CEP63: variants seen among roughly 807,000 people sequenced by gnomAD.
The protein encoded by CEP63 is centrosomal protein 63.
CEP63 carries 84 observed loss-of-function variants against 89.1 expected under a neutral mutation model. The ratio of observed to expected loss-of-function variants is 0.94; its 90% CI spans 0.79 to 1.13. The LOEUF is 1.13. Among genes scored for constraint, CEP63 ranks in the 50% most tolerant of loss-of-function variants. The pLI, the probability that CEP63 is intolerant of heterozygous loss-of-function variation, is 0.00. For missense variants in CEP63, 838 were observed against 813.3 expected (o/e 1.03, Z -0.37); for synonymous variants, 267 against 272.5 (o/e 0.98, Z 0.20).
the CEP63 span, chr3:134,608,245 G>A: frequency 2.5e-6 from 3 of 1,193,356 alleles, no homozygotes; most frequent in Non-Finnish European, 3.2e-6. Context: ...GAGGCTATGT[G>A]TAGCCAGGGT....
chr3:134,624,688 C>T, the CEP63 span, among the ~76,000 whole-genome samples: 1 of 152,224 alleles, frequency 6.6e-6, no homozygotes, highest in East Asian at 1.9e-4. Flanking sequence ...CTCCCATCCT[C>T]TCCTCCCTTC....
the CEP63 span, among the ~76,000 whole-genome samples, chr3:134,782,288 CAA>C: frequency 6.6e-6 from 1 of 152,176 alleles, no homozygotes; most frequent in Non-Finnish European, 1.5e-5. Flanking sequence ...AACCCACTAA[CAA>C]AACCGTTTAG....
chr3:134,767,507 A>T, the CEP63 span, among the ~76,000 whole-genome samples: 5 of 152,190 alleles, frequency 3.3e-5, no homozygotes, highest in African/African-American at 9.7e-5. Flanking sequence ...GTGACCTGGA[A>T]AGTCTCATAG....
At chr3:134,721,853 A>G in the CEP63 span, among the ~76,000 whole-genome samples, 1 of 152,062 alleles carries the variant, frequency 6.6e-6, no homozygotes, top group Non-Finnish European at 1.5e-5. Flanking sequence ...CTTTTAAAAT[A>G]TTGCTGGATT....
At chr3:134,625,097 G>A in the CEP63 span, 1 of 1,603,266 alleles carries the variant, frequency 6.2e-7, no homozygotes, top group South Asian at 1.1e-5. Context: ...TGCAGGTCCA[G>A]GGACATGGAT....
intron 3 of CEP63, among the ~76,000 whole-genome samples, chr3:134,527,631 G>A (rs1353440422): frequency 6.6e-6 from 1 of 152,206 alleles, no homozygotes; most frequent in Admixed American, 6.5e-5. Context: ...TGGGCCTAGG[G>A]AAGCTGCAGT....
downstream of CEP63, among the ~76,000 whole-genome samples, chr3:134,577,027 C>T (rs1308941238): frequency 2.6e-5 from 4 of 152,152 alleles, no homozygotes; most frequent in Non-Finnish European, 5.9e-5. Flanking sequence ...CTAGTGTTGG[C>T]GTAGTAAAGA....
the CEP63 span, among the ~76,000 whole-genome samples, chr3:134,645,419 C>T: frequency 6.6e-6 from 1 of 152,244 alleles, no homozygotes; most frequent in East Asian, 1.9e-4. Flanking sequence ...CCATCAGCCA[C>T]TTCCTTCTAA....
the CEP63 span, among the ~76,000 whole-genome samples, chr3:134,758,804 C>T: frequency 5.9e-5 from 9 of 151,684 alleles, no homozygotes; most frequent in Non-Finnish European, 1.0e-4. Flanking sequence ...TTCTGTGGTA[C>T]GCTAAATAAT....
At chr3:134,603,412 A>T in the CEP63 span, 1 of 627,196 alleles carries the variant, frequency 1.6e-6, no homozygotes, top group Non-Finnish European at 2.7e-6. Context: ...AAGCCTTCAG[A>T]ACACAAAGAT....
At chr3:134,570,522 C>T (rs1038595092) in intron 11 of CEP63, among the ~76,000 whole-genome samples, 3 of 152,304 alleles carry the variant, frequency 2.0e-5, no homozygotes, top group East Asian at 1.9e-4. Context: ...ACAAGTTCCT[C>T]ATCTCCATCT....
At chr3:134,669,582 A>G in the CEP63 span, among the ~76,000 whole-genome samples, 2 of 152,122 alleles carry the variant, frequency 1.3e-5, no homozygotes, top group African/African-American at 4.8e-5. Flanking sequence ...GTGGATCATT[A>G]AATATTTTGC....
At chr3:134,716,053 C>A in the CEP63 span, among the ~76,000 whole-genome samples, 1 of 152,198 alleles carries the variant, frequency 6.6e-6, no homozygotes, top group African/African-American at 2.4e-5. Context: ...ATACTTTCCC[C>A]GACTCCTGTC....
At chr3:134,543,626 A>G (rs1254888881) in intron 6 of CEP63, among the ~76,000 whole-genome samples, 1 of 152,218 alleles carries the variant, frequency 6.6e-6, no homozygotes, top group Non-Finnish European at 1.5e-5. Context: ...TAGCTATTAC[A>G]GTATTAAAAA....
the CEP63 span, among the ~76,000 whole-genome samples, chr3:134,677,765 T>C: frequency 1.3e-5 from 2 of 152,068 alleles, no homozygotes; most frequent in Admixed American, 6.6e-5. Context: ...CCCTCCCCTG[T>C]TCCCCACTTG....
intron 11 of CEP63, among the ~76,000 whole-genome samples, chr3:134,573,312 T>C (rs1958091977): frequency 6.6e-6 from 1 of 152,214 alleles, no homozygotes; most frequent in Non-Finnish European, 1.5e-5. Flanking sequence ...GACTTAGTCA[T>C]AAATTTTTTG....
intron 4 of CEP63, among the ~76,000 whole-genome samples, chr3:134,532,282 T>A (rs924791170): frequency 2.6e-5 from 4 of 152,188 alleles, no homozygotes; most frequent in Admixed American, 2.6e-4. Flanking sequence ...TAATGGAGGA[T>A]CCAAAGATTT....
intron 3 of CEP63, among the ~76,000 whole-genome samples, chr3:134,529,506 A>G (rs964945841): frequency 6.3e-4 from 95 of 151,466 alleles, no homozygotes; most frequent in Non-Finnish European, 9.0e-4. Context: ...AGGTCTAACT[A>G]ATTTTTGTAT....
At chr3:134,705,494 A>T in the CEP63 span, among the ~76,000 whole-genome samples, 1 of 152,206 alleles carries the variant, frequency 6.6e-6, no homozygotes, top group Non-Finnish European at 1.5e-5. Context: ...TCACCTCCCA[A>T]TATGTTTCCA....
Sources: gnomAD v4.1 joint callset for allele counts (sites outside exome capture counted in the v4.1 genomes callset) on GRCh38, gnomAD v4.1.1 for gene constraint, MANE v1.5 for transcripts, NCBI Gene and HGNC (gene_info 2026-07-23, HGNC 2026-07-21) for gene names.